TANGO6: variants seen among roughly 807,000 people sequenced by gnomAD.
The protein encoded by TANGO6 is transport and golgi organization 6 homolog.
A neutral mutation model predicts 114.2 loss-of-function variants in TANGO6; 90 were observed. That is an observed-to-expected ratio of 0.79 (90% CI 0.66 to 0.94). TANGO6 has a LOEUF of 0.94. Ranked by LOEUF, TANGO6 falls within the 40% of genes least tolerant of loss-of-function variation. The probability of loss-of-function intolerance (pLI) is 0.00; values close to 1 mark genes in which losing one functional copy is unlikely to be tolerated. For synonymous variants in TANGO6, 477 were observed against 509.8 expected, an observed-to-expected ratio of 0.94 and a Z score of 0.87; for missense variants, 1,274 against 1,315.3, an observed-to-expected ratio of 0.97 and a Z score of 0.49.
At chr16:68,907,975 T>A (rs1962875351) in intron 10 of TANGO6, among the ~76,000 whole-genome samples, 1 of 152,198 alleles carries the variant, frequency 6.6e-6, no homozygotes, top group African/African-American at 2.4e-5. Context: ...CAAAGGAGAT[T>A]TAGCAATTCT....
At chr16:68,891,631 A>G (rs1372829031) in intron 7 of TANGO6, among the ~76,000 whole-genome samples, 1 of 152,196 alleles carries the variant, frequency 6.6e-6, no homozygotes, top group Non-Finnish European at 1.5e-5. Context: ...CCTTCCAGAA[A>G]AATTCCATCC....
intron 15 of TANGO6, among the ~76,000 whole-genome samples, chr16:68,983,947 G>GT (rs2152215963): frequency 6.6e-6 from 1 of 151,886 alleles, no homozygotes; most frequent in East Asian, 1.9e-4. Context: ...GCAGGAGAAT[G>GT]GTGTGAACCT....
At chr16:68,892,405 T>G (rs1453642192) in intron 7 of TANGO6, among the ~76,000 whole-genome samples, 1 of 152,222 alleles carries the variant, frequency 6.6e-6, no homozygotes, top group African/African-American at 2.4e-5. Context: ...TCTGTATCCT[T>G]GCCTAATCTG....
rs146456348 is a variant in TANGO6 at position 69,083,808 on chromosome 16, C to T, written c.*147C>T. Reference sequence around the variant, plus strand: ...GTTTTATGGTGCAGGTCACTTGGGTCTTCAGGGTCCCTTCCGAGGGCATGT... The same window carrying T: ...GTTTTATGGTGCAGGTCACTTGGGTTTTCAGGGTCCCTTCCGAGGGCATGT... On this transcript the variant is annotated 3_prime_UTR_variant, in exon 18 of 18. Transcript: ENST00000261778. The T allele has an allele frequency of 9.7e-4, 768 of 794,268 alleles. 4 individuals are homozygous for T. The East Asian group carries it at 0.018, about 19-fold the overall frequency. The allele number at this position is 794,268 out of a possible 1,614,324, so 49.2% of individuals were successfully genotyped here.
chr16:68,933,664 A>G (rs930697221), intron 14 of TANGO6, among the ~76,000 whole-genome samples: 1 of 152,198 alleles, frequency 6.6e-6, no homozygotes, highest in Non-Finnish European at 1.5e-5. Context: ...AAGAGAAACC[A>G]TAAATTCCTC....
intron 15 of TANGO6, among the ~76,000 whole-genome samples, chr16:68,985,259 G>T (rs1963878996): frequency 6.6e-6 from 1 of 151,782 alleles, no homozygotes. Context: ...ATTATCTCTG[G>T]GAACATATTG....
At chr16:69,058,656 T>A (rs1373514457) in intron 17 of TANGO6, among the ~76,000 whole-genome samples, 1 of 152,202 alleles carries the variant, frequency 6.6e-6, no homozygotes, top group African/African-American at 2.4e-5. Flanking sequence ...TTCTGCTTCC[T>A]TAACCATTGG....
intron 15 of TANGO6, among the ~76,000 whole-genome samples, chr16:69,008,093 T>C (rs995732854): frequency 6.6e-6 from 1 of 152,136 alleles, no homozygotes; most frequent in African/African-American, 2.4e-5. Flanking sequence ...GGTTGTCTTT[T>C]CACTTTTTTT....
intron 12 of TANGO6, among the ~76,000 whole-genome samples, chr16:68,920,776 T>C (rs997197853): frequency 6.6e-6 from 1 of 152,086 alleles, no homozygotes; most frequent in Admixed American, 6.6e-5. Context: ...ACTTAGCACT[T>C]CTAATTATAT....
intron 15 of TANGO6, among the ~76,000 whole-genome samples, chr16:68,993,871 A>T (rs148566762): frequency 1.3e-5 from 2 of 152,100 alleles, no homozygotes; most frequent in Admixed American, 6.5e-5. Flanking sequence ...CTTCCTGATT[A>T]TTACATTTCT....
chr16:68,953,050 T>TTTTATTATTA (rs1555525236), intron 14 of TANGO6, among the ~76,000 whole-genome samples: 13 of 139,208 alleles, frequency 9.3e-5, no homozygotes, highest in Admixed American at 1.5e-4. Flanking sequence ...ACAGGTATTT[T>TTTTATTATTA]TTATTATTAT....
intron 17 of TANGO6, among the ~76,000 whole-genome samples, chr16:69,044,422 G>T (rs1392528764): frequency 6.6e-6 from 1 of 152,102 alleles, no homozygotes; most frequent in Non-Finnish European, 1.5e-5. Context: ...CCTGGAGAGG[G>T]ATTAGAAGCA....
Position 69,031,581 on chromosome 16 carries a change from C to T in TANGO6, c.2994+8602C>T, listed in dbSNP as rs529682644. Among the ~76,000 whole-genome samples, 14 of 151,754 alleles carry T rather than the reference C, an allele frequency of 9.2e-5. 1 individual carries two copies. The highest frequency in any genetic ancestry group is 5.3e-4 in the Admixed American group (8 of 15,196). On this transcript the variant is annotated intron_variant, in intron 16 of 17. Transcript: ENST00000261778. ...GCCAGGTGTGGTGGCACACGCTACT[C>T]GGGATAAATTTAGTAAGATAAGGGG...
At chr16:69,037,579 G>A (rs776284477) in intron 16 of TANGO6, among the ~76,000 whole-genome samples, 10 of 152,220 alleles carry the variant, frequency 6.6e-5, no homozygotes, top group Non-Finnish European at 1.2e-4. Context: ...AAGCCTGAAA[G>A]TGGAGGTAGC....
At chr16:69,029,792 G>C (rs1299030859) in intron 16 of TANGO6, among the ~76,000 whole-genome samples, 1 of 152,126 alleles carries the variant, frequency 6.6e-6, no homozygotes, top group East Asian at 1.9e-4. Context: ...TGATGACAGT[G>C]ATGAGGATGA....
intron 17 of TANGO6, among the ~76,000 whole-genome samples, chr16:69,068,176 C>T (rs1960247120): frequency 6.6e-6 from 1 of 151,602 alleles, no homozygotes; most frequent in South Asian, 2.1e-4. Context: ...TGGTGATGCA[C>T]ACCTATAGTC....
Position 68,907,553 on chromosome 16 carries a change from ACTT to A in TANGO6, c.1783_1785del (p.Phe595del), listed in dbSNP as rs775428288. ...TGCCAGGAATGCGGTTTGGCAGGAG[ACTT>A]CTTCATCTTCTGTTTGAAAGTAAGA... On this transcript the variant is annotated inframe_deletion, in exon 10 of 18. Coordinates refer to ENST00000261778, the MANE Select transcript of TANGO6 (RefSeq NM_024562.2). 1.9e-6 allele frequency: 3 copies of A among 1,613,024 alleles called. No individual in the cohort carries two copies. The highest frequency in any genetic ancestry group is 1.7e-6 in the Non-Finnish European group (2 of 1,179,634).
In TANGO6 at chr16:69,067,528, A is replaced by AAAAAAAAAAAAC. The variant is rs1218875352; in HGVS notation, c.3109-15948_3109-15947insAACAAAAAAAAA. On this transcript the variant is annotated intron_variant, in intron 17 of 17. Transcript: ENST00000261778. ...AGCAAAACTCCATCTCAAAAAAAAAAAAAAAAAAACGCTGGGCGCCGTGGC... is the reference window on the plus strand; with the variant it reads ...AGCAAAACTCCATCTCAAAAAAAAAAAAAAAAAAAAACAAAAAAAAACGCTGGGCGCCGTGGC... Among the ~76,000 whole-genome samples, 2 of 147,114 alleles carry AAAAAAAAAAAAC rather than the reference A, an allele frequency of 1.4e-5. 1 individual carries two copies. The highest frequency in any genetic ancestry group is 5.1e-5 in the African/African-American group (2 of 39,336).
intron 7 of TANGO6, among the ~76,000 whole-genome samples, chr16:68,899,012 C>T (rs568024005): frequency 2.7e-5 from 4 of 150,922 alleles, no homozygotes; most frequent in South Asian, 4.2e-4. Context: ...GTGGCTCATA[C>T]CTGTAATTCC....
Sources: allele counts gnomAD v4.1 joint callset (sites outside exome capture counted in the v4.1 genomes callset), GRCh38; gene constraint gnomAD v4.1.1; transcripts MANE v1.5; gene names NCBI Gene and HGNC (gene_info 2026-07-23, HGNC 2026-07-21).